Variants in FKBP6 observed in about 807,000 individuals in gnomAD.
FKBP6 encodes FKBP prolyl isomerase family member 6 (inactive), also known as inactive peptidyl-prolyl cis-trans isomerase FKBP6.
In FKBP6, 29 loss-of-function variants were observed where a neutral mutation model predicts 41.7. The ratio of observed to expected loss-of-function variants is 0.70; its 90% CI spans 0.52 to 0.95. The LOEUF (loss-of-function observed/expected upper bound fraction) is 0.95. FKBP6 is among the 40% of genes least tolerant of loss of function. The pLI, the probability that FKBP6 is intolerant of heterozygous loss-of-function variation, is 0.00. For missense variants in FKBP6, 338 were observed against 408.7 expected (o/e 0.83, Z 1.49); for synonymous variants, 130 against 165.1 (o/e 0.79, Z 1.63).
chr7:73,338,144 G>C (rs1477980094), intron 5 of FKBP6, among the ~76,000 whole-genome samples: 1 of 152,134 alleles, frequency 6.6e-6, no homozygotes, highest in Non-Finnish European at 1.5e-5. Flanking sequence ...TCCTGCCTCA[G>C]CCTCCCAAGT....
At chr7:73,339,742 T>A (rs2115887030) in intron 5 of FKBP6, among the ~76,000 whole-genome samples, 1 of 152,096 alleles carries the variant, frequency 6.6e-6, no homozygotes, top group Non-Finnish European at 1.5e-5. Context: ...GCCTCCAATG[T>A]AGCTGGAATT....
rs1804697004 is a variant in FKBP6 at position 73,328,281 on chromosome 7, C to T, written c.-148C>T. ...GCGGTTGGAACGAAACGATGAGTGC[C>T]TCCTCGTGGCCCCAGAATGGAATGC... On this transcript the variant is annotated 5_prime_UTR_variant, in exon 1 of 9. Coordinates refer to ENST00000252037, the MANE Select transcript of FKBP6 (RefSeq NM_003602.5). The T allele has an allele frequency of 6.5e-7, 1 of 1,549,146 alleles. No homozygotes were observed. Among genetic ancestry groups the T allele is most frequent in the South Asian group, 1.2e-5 (1 of 83,968 alleles).
chr7:73,330,258 C>T lies in FKBP6; in HGVS notation c.374C>T (p.Pro125Leu). ...GCCTATGGAACGCTGGGCTGCCCTC[C>T]CTTGATCCCCCCAAACACCACTGTC... is the stretch of plus-strand genomic sequence containing the variant. The part of the protein sequence containing the change: ...NYAYGTLGCP[P>L]LIPPNTTVLF... The change falls in exon 4 of 9, where the codon CCC becomes CTC. Residue 125 changes from proline (P) to leucine (L), a missense_variant. Physicochemically the swap from Pro to Leu is moderately conservative, Grantham distance 98. Coordinates refer to ENST00000252037, the MANE Select transcript of FKBP6 (RefSeq NM_003602.5). The T allele has an allele frequency of 2.5e-6, 4 of 1,614,052 alleles. No homozygotes were observed. The highest frequency in any genetic ancestry group is 3.4e-6 in the Non-Finnish European group (4 of 1,179,920).
chr7:73,328,211 T>C lies in FKBP6; in HGVS notation c.-218T>C. The stretch of plus-strand genomic sequence containing the variant: ...GGATCATACCTCGCACCTCACCGCG[T>C]GGCCTCTGTAGTTCCAGAGCTCGCG... On this transcript the variant is annotated 5_prime_UTR_variant, in exon 1 of 9. Transcript: ENST00000252037. 4.5e-6 allele frequency: 7 copies of C among 1,548,948 alleles called. No homozygotes were observed.
At position 73,330,536 on chromosome 7, in the gene FKBP6, CAT is replaced by C. The variant is rs527823679; in HGVS notation, c.468+185_468+186del. 7.2e-4 allele frequency among the ~76,000 whole-genome samples: 110 copies of C among 152,280 alleles called. 1 individual carries two copies. The highest frequency in any genetic ancestry group is 2.5e-3 in the African/African-American group (102 of 41,546). On this transcript the variant is annotated intron_variant, in intron 4 of 8. Coordinates refer to ENST00000252037, the MANE Select transcript of FKBP6 (RefSeq NM_003602.5). ...CTGTGTTTGTCTTAGTAATGGCTCT[CAT>C]GTGTAGATAAATGTGCTGGGCAAGG...
intron 5 of FKBP6, among the ~76,000 whole-genome samples, chr7:73,337,946 G>C (rs1488896398): frequency 1.3e-5 from 2 of 152,202 alleles, no homozygotes; most frequent in Non-Finnish European, 2.9e-5. Flanking sequence ...TGTCAAATAT[G>C]TGTCATTTTG....
chr7:73,331,203 G>C (rs967233914), intron 4 of FKBP6, among the ~76,000 whole-genome samples: 3 of 152,212 alleles, frequency 2.0e-5, no homozygotes, highest in African/African-American at 4.8e-5. Flanking sequence ...CATAAAGACT[G>C]CCAGGGCCCT....
intron 5 of FKBP6, among the ~76,000 whole-genome samples, chr7:73,333,433 A>G (rs1432924503): frequency 2.6e-5 from 4 of 152,204 alleles, no homozygotes. Flanking sequence ...AAAAAACTAC[A>G]TCTTCCCAGC....
At chr7:73,346,305 C>G (rs1554550261) in intron 8 of FKBP6, among the ~76,000 whole-genome samples, 2 of 152,202 alleles carry the variant, frequency 1.3e-5, no homozygotes, top group Non-Finnish European at 1.5e-5. Context: ...GGTGGGCACT[C>G]TAGATGCTAT....
rs1463839388 is a variant in FKBP6 at position 73,358,449 on chromosome 7, C to T, written c.*271C>T. The T allele has an allele frequency of 2.6e-5, 4 of 152,532 alleles. No homozygotes were observed. The highest frequency in any genetic ancestry group is 6.5e-5 in the Admixed American group (1 of 15,270). The allele number at this position is 152,532 out of a possible 1,614,324, so 9.4% of individuals were successfully genotyped here. ...TAAGGCAGTTTCTTGTTTTTTTAGA[C>T]GGAATTAGTCCTTGGCTTCCCTCCC... On this transcript the variant is annotated 3_prime_UTR_variant, in exon 9 of 9. Coordinates refer to ENST00000252037, the MANE Select transcript of FKBP6 (RefSeq NM_003602.5).
In FKBP6 at chr7:73,342,623, C is replaced by T. The variant is rs372330155; in HGVS notation, c.894-184C>T. On this transcript the variant is annotated intron_variant, in intron 7 of 8. Transcript: ENST00000252037. ...GGGGTTTTGTCCAGGGGCTTGGCTC[C>T]TTGGCCAGCTGTGGGAGCCTTCCCT... Among the ~76,000 whole-genome samples the T allele has an allele frequency of 1.1e-4, 16 of 152,336 alleles. No individual in the cohort carries two copies. The South Asian group carries it at 3.1e-3, about 30-fold the overall frequency.
chr7:73,343,162 G>GT (rs1805242567), intron 8 of FKBP6, among the ~76,000 whole-genome samples: 1 of 152,068 alleles, frequency 6.6e-6, no homozygotes, highest in South Asian at 2.1e-4. Context: ...TTATTTGTTT[G>GT]TTTGTTTGTT....
rs1804756644 is a variant in FKBP6, at chr7:73,329,380, G to A, written c.196G>A (p.Glu66Lys). 4 of 1,607,534 alleles carry A rather than the reference G, an allele frequency of 2.5e-6. No individual in the cohort carries two copies. Among genetic ancestry groups the A allele is most frequent in the Non-Finnish European group, 3.4e-6 (4 of 1,174,018 alleles). ...CCTAGTGAAATACTCGGGATACCTG[G>A]AACACATGGACAGACCCTTCGATTC... ...SVLVKYSGYL[E>K]HMDRPFDSNY... The change falls in exon 3 of 9, where the codon GAA (glutamate) becomes AAA (lysine). Residue 66 changes from glutamate (E) to lysine (K), a missense_variant. Transcript: ENST00000252037.
chr7:73,355,617 A>G (rs1805608604), intron 8 of FKBP6, among the ~76,000 whole-genome samples: 1 of 151,380 alleles, frequency 6.6e-6, no homozygotes, highest in African/African-American at 2.4e-5. Flanking sequence ...ACTTGTCATT[A>G]TGGACATTTT....
chr7:73,349,164 C>T (rs560068875), intron 8 of FKBP6, among the ~76,000 whole-genome samples: 5 of 151,846 alleles, frequency 3.3e-5, no homozygotes, highest in Non-Finnish European at 7.4e-5. Flanking sequence ...AATCCCAGCA[C>T]TTTGGGAGGC....
chr7:73,350,775 G>C (rs1342690003), intron 8 of FKBP6, among the ~76,000 whole-genome samples: 2 of 152,154 alleles, frequency 1.3e-5, no homozygotes, highest in Admixed American at 1.3e-4. Context: ...CCCCGGAGCA[G>C]CGGGCCCTCA....
At chr7:73,350,646 CAAT>C (rs1288531844) in intron 8 of FKBP6, among the ~76,000 whole-genome samples, 8 of 152,154 alleles carry the variant, frequency 5.3e-5, no homozygotes, top group African/African-American at 1.9e-4. Flanking sequence ...AGACTAAAAA[CAAT>C]GTTTTCTGGA....
At chr7:73,343,572 T>G (rs1365684656) in intron 8 of FKBP6, among the ~76,000 whole-genome samples, 1 of 152,142 alleles carries the variant, frequency 6.6e-6, no homozygotes, top group Non-Finnish European at 1.5e-5. Flanking sequence ...AAATTCTACT[T>G]TCTATTAGAC....
intron 8 of FKBP6, among the ~76,000 whole-genome samples, chr7:73,347,652 C>T (rs551758636): frequency 2.8e-4 from 42 of 152,058 alleles, no homozygotes; most frequent in Non-Finnish European, 5.4e-4. Flanking sequence ...TTGTGCTCCA[C>T]TTTGTTTTTA....
Sources: gnomAD v4.1 joint callset for allele counts (sites outside exome capture counted in the v4.1 genomes callset) on GRCh38, gnomAD v4.1.1 for gene constraint, MANE v1.5 for transcripts, NCBI Gene and HGNC (gene_info 2026-07-23, HGNC 2026-07-21) for gene names.